KHDRBS2: variants seen among roughly 807,000 people sequenced by gnomAD.
The protein encoded by KHDRBS2 is KH domain-containing, RNA-binding, signal transduction-associated protein 2.
In KHDRBS2, 26 loss-of-function variants were observed where a neutral mutation model predicts 44.3. That is an observed-to-expected ratio of 0.59 (90% CI 0.43 to 0.81). The LOEUF is 0.81. Among genes scored for constraint, KHDRBS2 ranks in the 40% least tolerant of loss-of-function variants. The pLI is 0.00. For synonymous variants in KHDRBS2, 194 were observed against 151.1 expected, an observed-to-expected ratio of 1.28 and a Z score of -2.08; for missense variants, 476 against 433.1, an observed-to-expected ratio of 1.10 and a Z score of -0.88.
Position 62,286,065 on chromosome 6 carries a change from T to C in KHDRBS2, c.-117A>G. The C allele has an allele frequency of 2.9e-6, 2 of 696,408 alleles. No homozygotes were observed. The highest frequency in any genetic ancestry group is 5.1e-6 in the Non-Finnish European group (2 of 389,588). 43.1% of individuals were successfully genotyped at this position (696,408 alleles called of 1,614,324 possible). On this transcript the variant is annotated 5_prime_UTR_variant, in exon 1 of 9. Coordinates refer to ENST00000281156, the MANE Select transcript of KHDRBS2 (RefSeq NM_152688.4). ...TGCTCCTCCTCCGCGCGGCGAGGGA[T>C]CTCTGTGCGTCCTCACTGGCCCATG... is the stretch of plus-strand genomic sequence containing the variant.
chr6:62,153,527 G>A (rs939145981), intron 2 of KHDRBS2, among the ~76,000 whole-genome samples: 2 of 151,916 alleles, frequency 1.3e-5, no homozygotes, highest in Non-Finnish European at 2.9e-5. Context: ...AACTAAGCAC[G>A]ATGCTTCCTC....
At chr6:61,601,807 C>T in the KHDRBS2 span, among the ~76,000 whole-genome samples, 1 of 152,104 alleles carries the variant, frequency 6.6e-6, no homozygotes, top group East Asian at 1.9e-4. Context: ...ACCCTATAAT[C>T]CTTTTGTCAC....
At chr6:62,197,340 C>T (rs535018221) in intron 1 of KHDRBS2, among the ~76,000 whole-genome samples, 3 of 152,068 alleles carry the variant, frequency 2.0e-5, no homozygotes, top group Non-Finnish European at 4.4e-5. Flanking sequence ...TTTGTGAAAA[C>T]CTGTATTGTA....
intron 6 of KHDRBS2, among the ~76,000 whole-genome samples, chr6:61,874,690 G>C (rs554452615): frequency 2.6e-5 from 4 of 152,248 alleles, no homozygotes; most frequent in African/African-American, 9.6e-5. Context: ...AAACAAATCT[G>C]AACAGCCAAG....
intron 7 of KHDRBS2, among the ~76,000 whole-genome samples, chr6:61,703,283 T>A (rs1768974680): frequency 6.6e-6 from 1 of 151,842 alleles, no homozygotes; most frequent in Non-Finnish European, 1.5e-5. Context: ...TCACATATTT[T>A]AAAAATTCAT....
intron 1 of KHDRBS2, among the ~76,000 whole-genome samples, chr6:62,248,488 AAC>A: frequency 6.6e-6 from 1 of 152,012 alleles, no homozygotes; most frequent in Non-Finnish European, 1.5e-5. Flanking sequence ...CCTCCCGAGT[AAC>A]TGGGATTACA....
chr6:62,082,897 T>C (rs2127356454), intron 2 of KHDRBS2, among the ~76,000 whole-genome samples: 1 of 152,250 alleles, frequency 6.6e-6, no homozygotes, highest in African/African-American at 2.4e-5. Flanking sequence ...GTATGTGAGA[T>C]ACCCCCGGAA....
At chr6:62,068,888 G>T (rs1794359172) in intron 2 of KHDRBS2, among the ~76,000 whole-genome samples, 1 of 151,636 alleles carries the variant, frequency 6.6e-6, no homozygotes, top group African/African-American at 2.4e-5. Context: ...AAACCATCTT[G>T]AATATTGTAG....
intron 4 of KHDRBS2, among the ~76,000 whole-genome samples, chr6:61,931,547 TAA>T (rs1255187294): frequency 6.6e-6 from 1 of 152,140 alleles, no homozygotes; most frequent in Admixed American, 6.5e-5. Context: ...AAGAAGAATT[TAA>T]GTGGTTTTAT....
At chr6:61,974,113 G>A (rs1771992950) in intron 4 of KHDRBS2, among the ~76,000 whole-genome samples, 1 of 152,132 alleles carries the variant, frequency 6.6e-6, no homozygotes. Flanking sequence ...TTAAGCATTA[G>A]TAAAACTTAT....
At chr6:62,154,727 A>C (rs1815989000) in intron 2 of KHDRBS2, among the ~76,000 whole-genome samples, 1 of 152,232 alleles carries the variant, frequency 6.6e-6, no homozygotes, top group Non-Finnish European at 1.5e-5. Flanking sequence ...ATTGAGGAGA[A>C]TGCCAGCTGA....
chr6:61,773,868 C>A lies in KHDRBS2; in HGVS notation c.811-41104G>T, dbSNP rs1225316321. Among the ~76,000 whole-genome samples the A allele has an allele frequency of 2.3e-4, 34 of 150,130 alleles. No homozygotes were observed. In the East Asian group the frequency reaches 3.1e-3, roughly 14 times the overall value. On this transcript the variant is annotated intron_variant, in intron 6 of 8. Transcript: ENST00000281156. The stretch of plus-strand genomic sequence containing the variant: ...GTTTCAGCTTTCTACATATGGCTAG[C>A]CAGTTTTCCCAGCACCATTTATTAA...
At chr6:62,082,340 A>T (rs1227438486) in intron 2 of KHDRBS2, among the ~76,000 whole-genome samples, 1 of 84,854 alleles carries the variant, frequency 1.2e-5, no homozygotes, top group African/African-American at 5.1e-5. Flanking sequence ...TGTGTGTGTG[A>T]ACAACCCAAC....
At chr6:62,022,842 T>C (rs1283735065) in intron 3 of KHDRBS2, among the ~76,000 whole-genome samples, 1 of 151,746 alleles carries the variant, frequency 6.6e-6, no homozygotes, top group Non-Finnish European at 1.5e-5. Flanking sequence ...AATAGTGAAA[T>C]TCCTTAATTT....
chr6:61,764,386 T>C (rs1779698679), intron 6 of KHDRBS2, among the ~76,000 whole-genome samples: 1 of 152,210 alleles, frequency 6.6e-6, no homozygotes. Flanking sequence ...TTTCTAGTTC[T>C]AGGTATCTGA....
rs558923938 is a variant in KHDRBS2 at position 61,994,821 on chromosome 6, C to T, written c.337-16609G>A. Among the ~76,000 whole-genome samples the T allele has an allele frequency of 7.8e-4, 119 of 152,152 alleles. 1 individual carries two copies. In the South Asian group the frequency reaches 0.011, roughly 14 times the overall value. On this transcript the variant is annotated intron_variant, in intron 3 of 8. Coordinates refer to ENST00000281156, the MANE Select transcript of KHDRBS2 (RefSeq NM_152688.4). ...AATGGTGTACTATTTGGACAGAGTG[C>T]GTGTGGGGTCTTCGTGGTGAGTAAT...
intron 2 of KHDRBS2, 127 bp from the exon 3 acceptor site, chr6:62,048,121 T>TACACAC (rs58133580): frequency 0.12 from 46,939 of 403,672 alleles, 2,014 homozygotes; most frequent in East Asian, 0.17. Context: ...GCCATAAACA[T>TACACAC]ACACACACAC....
intron 2 of KHDRBS2, among the ~76,000 whole-genome samples, chr6:62,130,259 T>C (rs552903354): frequency 2.6e-5 from 4 of 152,192 alleles, no homozygotes; most frequent in East Asian, 1.9e-4. Flanking sequence ...GGTGAGAAAA[T>C]TGAGGCAGTA....
chr6:61,616,245 A>G, the KHDRBS2 span, among the ~76,000 whole-genome samples: 1 of 152,110 alleles, frequency 6.6e-6, no homozygotes. Context: ...TTCTTTTAAA[A>G]TACACTATTA....
Sources: allele counts gnomAD v4.1 joint callset (sites outside exome capture counted in the v4.1 genomes callset), GRCh38; gene constraint gnomAD v4.1.1; transcripts MANE v1.5; gene names NCBI Gene and HGNC (gene_info 2026-07-23, HGNC 2026-07-21).